Variants in FNBP1 observed in about 807,000 individuals in gnomAD.
FNBP1 encodes the protein formin binding protein 1.
A neutral mutation model predicts 90.6 loss-of-function variants in FNBP1; 26 were observed. That is an observed-to-expected ratio of 0.29 (90% CI 0.21 to 0.40). The LOEUF (loss-of-function observed/expected upper bound fraction) is 0.40, where lower values mean the gene tolerates loss of function less well. Ranked by LOEUF, FNBP1 falls within the 10% of genes least tolerant of loss-of-function variation. FNBP1 has a pLI of 1.00. For missense variants in FNBP1, 635 were observed against 768.0 expected, an observed-to-expected ratio of 0.83 and a Z score of 2.05; for synonymous variants, 260 against 265.2, an observed-to-expected ratio of 0.98 and a Z score of 0.19.
rs144469600 is a variant in FNBP1 at position 129,903,317 on chromosome 9, G to C, written c.1296-316C>G. Among the ~76,000 whole-genome samples, 787 of 152,246 alleles carry C rather than the reference G, an allele frequency of 5.2e-3. 8 individuals are homozygous for C. The highest frequency in any genetic ancestry group is 0.018 in the African/African-American group (761 of 41,540). ...TCTGCCTGCCTCAGCCTCCTAAAGT[G>C]CTGGGATTATAGGCGTGAGCTACCG... On this transcript the variant is annotated intron_variant, in intron 12 of 16. Transcript: ENST00000446176.
chr9:129,948,632 T>C (rs1212631312), intron 6 of FNBP1, among the ~76,000 whole-genome samples: 1 of 152,088 alleles, frequency 6.6e-6, no homozygotes, highest in Non-Finnish European at 1.5e-5. Context: ...AACCTCCACT[T>C]CCTGGGTTCA....
chr9:129,958,188 T>C (rs2047228699), intron 5 of FNBP1, among the ~76,000 whole-genome samples: 1 of 151,938 alleles, frequency 6.6e-6, no homozygotes, highest in Non-Finnish European at 1.5e-5. Context: ...TCCCAGAACT[T>C]TGGGAGGCCG....
chr9:130,040,494 G>A (rs561347214), intron 1 of FNBP1, among the ~76,000 whole-genome samples: 46 of 152,142 alleles, frequency 3.0e-4, no homozygotes, highest in African/African-American at 8.9e-4. Context: ...GGTGGCAGGC[G>A]CGTGTAGTCC....
intron 6 of FNBP1, among the ~76,000 whole-genome samples, chr9:129,951,920 G>T (rs2046235443): frequency 6.6e-6 from 1 of 152,014 alleles, no homozygotes; most frequent in South Asian, 2.1e-4. Context: ...GGCTGGGTGT[G>T]GTGGCTCACA....
In FNBP1 at chr9:129,889,587, C is replaced by A. The variant is rs922874638; in HGVS notation, c.*952G>T. On this transcript the variant is annotated 3_prime_UTR_variant, in exon 17 of 17. Coordinates refer to ENST00000446176, the MANE Select transcript of FNBP1 (RefSeq NM_015033.3). ...TCCCGTCTCAAAAAAAAAAAAAAAACAACAACAAAAAAGGAAGTGCTACCC... is the reference window on the plus strand; with the variant it reads ...TCCCGTCTCAAAAAAAAAAAAAAAAAAACAACAAAAAAGGAAGTGCTACCC... 256 of 188,568 alleles carry A rather than the reference C, an allele frequency of 1.4e-3. No homozygotes were observed. The highest frequency in any genetic ancestry group is 4.2e-3 in the African/African-American group (166 of 39,086). The allele number at this position is 188,568 out of a possible 1,614,324, so 11.7% of individuals were successfully genotyped here.
intron 12 of FNBP1, among the ~76,000 whole-genome samples, chr9:129,903,410 C>T (rs754007447): frequency 2.0e-5 from 3 of 152,038 alleles, no homozygotes; most frequent in Non-Finnish European, 4.4e-5. Context: ...TGAATGGAAA[C>T]GTGGGAAGAT....
chr9:129,994,696 G>T, intron 2 of FNBP1, 147 bp downstream of exon 2: 1 of 392,188 alleles, frequency 2.5e-6, no homozygotes, highest in Non-Finnish European at 4.5e-6. Flanking sequence ...TTAATTTTCT[G>T]TATGAAAAAC....
chr9:130,016,850 C>T (rs183655232), intron 1 of FNBP1, among the ~76,000 whole-genome samples: 170 of 152,252 alleles, frequency 1.1e-3, no homozygotes, highest in African/African-American at 3.7e-3. Context: ...TGTTCACATA[C>T]GTAGTTTATT....
At chr9:130,040,855 T>A (rs551042377) in intron 1 of FNBP1, among the ~76,000 whole-genome samples, 1 of 152,234 alleles carries the variant, frequency 6.6e-6, no homozygotes, top group South Asian at 2.1e-4. Context: ...ACTCAGCATT[T>A]GGCTTCAATA....
intron 4 of FNBP1, among the ~76,000 whole-genome samples, chr9:129,963,698 TC>T (rs1374542474): frequency 7.3e-4 from 110 of 150,116 alleles, no homozygotes; most frequent in African/African-American, 2.6e-3. Flanking sequence ...CACTGCAACT[TC>T]CGCCTCCTGG....
At chr9:129,956,801 T>C (rs776754001) in intron 6 of FNBP1, among the ~76,000 whole-genome samples, 20 of 152,238 alleles carry the variant, frequency 1.3e-4, no homozygotes, top group Non-Finnish European at 2.1e-4. Context: ...GTTCCCAGAC[T>C]GTTCATAGTC....
intron 1 of FNBP1, among the ~76,000 whole-genome samples, chr9:130,035,006 G>A (rs2059180832): frequency 6.6e-6 from 1 of 152,176 alleles, no homozygotes. Flanking sequence ...AAAATTAGCA[G>A]AGTGTGGTGA....
chr9:129,915,222 G>A (rs1013507678), intron 11 of FNBP1, among the ~76,000 whole-genome samples: 1 of 151,976 alleles, frequency 6.6e-6, no homozygotes, highest in African/African-American at 2.4e-5. Context: ...GCTGCTGGCT[G>A]GGATCATTCC....
chr9:129,957,016 A>G lies in FNBP1; in HGVS notation c.513+344T>C, dbSNP rs994223754. The stretch of plus-strand genomic sequence containing the variant: ...GTGATGAACACTCACAGGGGAAATG[A>G]AAGACACACTTGAGCTTTCTTTTGT... On this transcript the variant is annotated intron_variant, in intron 6 of 16. Coordinates refer to ENST00000446176, the MANE Select transcript of FNBP1 (RefSeq NM_015033.3). The surrounding 1 kb of genome is among the most constrained non-coding windows in gnomAD (Gnocchi z 4.3). Among the ~76,000 whole-genome samples the G allele has an allele frequency of 6.7e-6, 1 of 149,424 alleles. No homozygotes were observed. The highest frequency in any genetic ancestry group is 2.5e-5 in the African/African-American group (1 of 40,732).
At chr9:129,948,239 C>T (rs1238038841) in intron 6 of FNBP1, among the ~76,000 whole-genome samples, 1 of 151,964 alleles carries the variant, frequency 6.6e-6, no homozygotes, top group Non-Finnish European at 1.5e-5. Context: ...CACTACTGCA[C>T]TCCAGCCTGA....
At chr9:130,006,964 C>T (rs1337125596) in intron 1 of FNBP1, among the ~76,000 whole-genome samples, 1 of 151,664 alleles carries the variant, frequency 6.6e-6, no homozygotes, top group Non-Finnish European at 1.5e-5. Flanking sequence ...CCGGGTGCGG[C>T]GGCTCATGCC....
intron 10 of FNBP1, among the ~76,000 whole-genome samples, chr9:129,918,318 T>C (rs1020678726): frequency 6.6e-6 from 1 of 152,246 alleles, no homozygotes; most frequent in Non-Finnish European, 1.5e-5. Context: ...AGTCTGAAGT[T>C]GTAAGCCAGC....
rs567564426 is a variant in FNBP1, at chr9:129,901,554, T to G, written c.1429-1007A>C. 4.8e-4 allele frequency among the ~76,000 whole-genome samples: 73 copies of G among 151,542 alleles called. 1 individual carries two copies. Among genetic ancestry groups the G allele is most frequent in the South Asian group, 1.3e-3 (6 of 4,786 alleles). On this transcript the variant is annotated intron_variant, in intron 13 of 16. Transcript: ENST00000446176. ...TCTGTCTCAAAAAAAAGAATAATAA[T>G]AAGAAAAGGACCGTTCTAAGTTCTA...
At chr9:129,940,753 A>G (rs998615720) in intron 6 of FNBP1, among the ~76,000 whole-genome samples, 2 of 151,930 alleles carry the variant, frequency 1.3e-5, no homozygotes, top group African/African-American at 2.4e-5. Context: ...CAGCCTCCTG[A>G]GTAGCTGGGA....
Sources: gnomAD v4.1 joint callset for allele counts (sites outside exome capture counted in the v4.1 genomes callset) on GRCh38, gnomAD v4.1.1 for gene constraint, Gnocchi (gnomAD v3.1) non-coding constraint, MANE v1.5 for transcripts, NCBI Gene and HGNC (gene_info 2026-07-23, HGNC 2026-07-21) for gene names.